Variants in ABHD2 observed in about 807,000 individuals in gnomAD.
ABHD2 encodes the protein abhydrolase domain containing 2, acylglycerol lipase.
In ABHD2, 20 loss-of-function variants were observed where a neutral mutation model predicts 48.1. The observed-to-expected ratio is 0.42, with a 90% CI of 0.29 to 0.60. The LOEUF is 0.60. Among genes scored for constraint, ABHD2 ranks in the 20% least tolerant of loss-of-function variants. The probability of loss-of-function intolerance (pLI) is 0.24; values close to 1 mark genes in which losing one functional copy is unlikely to be tolerated. For missense variants in ABHD2, 405 were observed against 550.9 expected, an observed-to-expected ratio of 0.74 and a Z score of 2.65; for synonymous variants, 209 against 214.2, an observed-to-expected ratio of 0.98 and a Z score of 0.21.
intron 3 of ABHD2, among the ~76,000 whole-genome samples, chr15:89,149,179 G>A (rs1256760358): frequency 6.6e-6 from 1 of 151,562 alleles, no homozygotes; most frequent in Non-Finnish European, 1.5e-5. Context: ...ATTGAACTGA[G>A]AAAGTCCCAA....
chr15:89,131,421 TTGTC>T (rs1375023287), intron 3 of ABHD2, among the ~76,000 whole-genome samples: 1 of 152,196 alleles, frequency 6.6e-6, no homozygotes, highest in East Asian at 1.9e-4. Context: ...CTCTTCTCTG[TTGTC>T]TGATAGCATC....
intron 6 of ABHD2, among the ~76,000 whole-genome samples, chr15:89,178,915 A>G (rs2051061766): frequency 6.6e-6 from 1 of 152,198 alleles, no homozygotes; most frequent in Non-Finnish European, 1.5e-5. Context: ...TTTCCCAAGA[A>G]AGCCCTCAAC....
rs909392302 is a variant in ABHD2 at position 89,155,028 on chromosome 15, T to C, written c.371-339T>C. ...ATGTTCAGGAACTTCTATAGCAATG[T>C]GACAGAGTAATTTTATATTTGTTGA... On this transcript the variant is annotated intron_variant, in intron 4 of 10. Transcript: ENST00000352732. This position sits in a 1 kb window ranked among gnomAD's most constrained non-coding sequence, Gnocchi z 4.9. 1.3e-5 allele frequency among the ~76,000 whole-genome samples: 2 copies of C among 152,256 alleles called. No individual in the cohort carries two copies. Among genetic ancestry groups the C allele is most frequent in the African/African-American group, 4.8e-5 (2 of 41,464 alleles).
rs1214208591 is a variant in ABHD2, at chr15:89,201,307, T to A, written c.*5884T>A. On this transcript the variant is annotated 3_prime_UTR_variant, in exon 11 of 11. Coordinates refer to ENST00000352732, the MANE Select transcript of ABHD2 (RefSeq NM_152924.5). ...TACACTCTTCTGTTAGTTTCCTTGTTTCAGTATCATGAAGTGAAGCACTGT... is the reference window on the plus strand; with the variant it reads ...TACACTCTTCTGTTAGTTTCCTTGTATCAGTATCATGAAGTGAAGCACTGT... 2.6e-5 allele frequency: 29 copies of A among 1,113,366 alleles called. No individual in the cohort carries two copies. Among genetic ancestry groups the A allele is most frequent in the Non-Finnish European group, 3.8e-5 (28 of 741,170 alleles). 69.0% of individuals were successfully genotyped at this position (1,113,366 alleles called of 1,614,324 possible). A position where few individuals can be genotyped will look rare whatever the true frequency, so the allele number is the denominator to read the frequency against.
At chr15:89,045,470 A>C in the ABHD2 span, among the ~76,000 whole-genome samples, 1 of 152,186 alleles carries the variant, frequency 6.6e-6, no homozygotes, top group Non-Finnish European at 1.5e-5. Flanking sequence ...GATGGCATTG[A>C]ATCTATAAAT....
the ABHD2 span, among the ~76,000 whole-genome samples, chr15:89,077,355 A>C: frequency 6.6e-6 from 1 of 152,232 alleles, no homozygotes; most frequent in Admixed American, 6.5e-5. Flanking sequence ...ATTGAATATG[A>C]ATGTTCTACA....
At chr15:89,046,863 A>C in the ABHD2 span, among the ~76,000 whole-genome samples, 2 of 151,968 alleles carry the variant, frequency 1.3e-5, no homozygotes, top group African/African-American at 4.8e-5. Context: ...TGGATTCATT[A>C]ATTTTTGAAG....
chr15:89,044,428 A>G, the ABHD2 span, among the ~76,000 whole-genome samples: 1 of 152,228 alleles, frequency 6.6e-6, no homozygotes, highest in South Asian at 2.1e-4. Flanking sequence ...CAGTAATGGG[A>G]TGGCTGGGTC....
chr15:89,070,964 C>A, the ABHD2 span, among the ~76,000 whole-genome samples: 1 of 151,894 alleles, frequency 6.6e-6, no homozygotes, highest in Non-Finnish European at 1.5e-5. Context: ...AAGGCGTGTG[C>A]CTTCCTGAAG....
Position 89,196,030 on chromosome 15 carries a change from G to T in ABHD2, c.*607G>T, listed in dbSNP as rs531295831. ...GCTTTGCTGCTGCTGAGAGTTACGT[G>T]AGGCACTTGTTAAAAATTCAGCCTC... On this transcript the variant is annotated 3_prime_UTR_variant, in exon 11 of 11. Transcript: ENST00000352732. The T allele has an allele frequency of 6.5e-6, 1 of 152,722 alleles. No individual in the cohort carries two copies. Among genetic ancestry groups the T allele is most frequent in the African/African-American group, 2.4e-5 (1 of 41,562 alleles). 9.5% of individuals were successfully genotyped at this position (152,722 alleles called of 1,614,324 possible).
chr15:89,146,813 T>C lies in ABHD2; in HGVS notation c.195-4864T>C, dbSNP rs1025106096. Among the ~76,000 whole-genome samples the C allele has an allele frequency of 2.0e-5, 3 of 152,210 alleles. No homozygotes were observed. The highest frequency in any genetic ancestry group is 7.2e-5 in the African/African-American group (3 of 41,456). On this transcript the variant is annotated intron_variant, in intron 3 of 10. Coordinates refer to ENST00000352732, the MANE Select transcript of ABHD2 (RefSeq NM_152924.5). The surrounding 1 kb of genome is among the most constrained non-coding windows in gnomAD (Gnocchi z 4.2). ...GGATTTAATGGAGAGATGTACCATGTTTTTGGATGGGACACATCAGTATTG... is the reference window on the plus strand; with the variant it reads ...GGATTTAATGGAGAGATGTACCATGCTTTTGGATGGGACACATCAGTATTG...
the ABHD2 span, among the ~76,000 whole-genome samples, chr15:89,043,625 AAGGAGGAGGAGGAGGAGGAAGGAGAAGG>A: frequency 6.9e-5 from 9 of 131,038 alleles, no homozygotes; most frequent in Non-Finnish European, 1.3e-4. Context: ...GAGGAGGCGG[AAGGAGGAGGAGGAGGAGGAAGGAGAAGG>A]AGGAGGAGGA....
At chr15:89,125,443 T>C (rs979588341) in intron 3 of ABHD2, among the ~76,000 whole-genome samples, 8 of 152,208 alleles carry the variant, frequency 5.3e-5, no homozygotes, top group African/African-American at 1.9e-4. Flanking sequence ...TCATCTTGAT[T>C]GAGGCTAAAT....
chr15:89,193,415 C>A, intron 10 of ABHD2, 96 bp downstream of exon 10: 4 of 957,234 alleles, frequency 4.2e-6, no homozygotes, highest in Non-Finnish European at 5.1e-6. Context: ...GGAGACCACC[C>A]TCTTTAGGGA....
At chr15:89,043,704 A>G in the ABHD2 span, among the ~76,000 whole-genome samples, 1 of 115,768 alleles carries the variant, frequency 8.6e-6, no homozygotes, top group African/African-American at 3.3e-5. Flanking sequence ...GGAGGAGAGG[A>G]GGAGGAAGAG....
At chr15:89,131,945 G>T (rs543754020) in intron 3 of ABHD2, among the ~76,000 whole-genome samples, 2 of 152,242 alleles carry the variant, frequency 1.3e-5, no homozygotes, top group South Asian at 4.1e-4. Context: ...GTGTGGGATG[G>T]TAGGGACGAC....
At chr15:89,126,297 C>T (rs1186736858) in intron 3 of ABHD2, among the ~76,000 whole-genome samples, 1 of 152,164 alleles carries the variant, frequency 6.6e-6, no homozygotes. Flanking sequence ...CAGAATCCAC[C>T]TTGGTTCACC....
At chr15:89,103,255 ATATT>A (rs1318667754) in intron 1 of ABHD2, among the ~76,000 whole-genome samples, 4 of 152,216 alleles carry the variant, frequency 2.6e-5, no homozygotes, top group Admixed American at 2.6e-4. Flanking sequence ...TAATCTTGAA[ATATT>A]TAATAAAGCA....
rs545908531 is a variant in ABHD2, at chr15:89,171,579, G to A, written c.539-4233G>A. On this transcript the variant is annotated intron_variant, in intron 5 of 10. Coordinates refer to ENST00000352732, the MANE Select transcript of ABHD2 (RefSeq NM_152924.5). ...CAGGAAGCGCCTGGTTGTGTTGAAC[G>A]GCGATGTGCTACCTGTGGAAACCTT... Among the ~76,000 whole-genome samples, 5 of 152,264 alleles carry A rather than the reference G, an allele frequency of 3.3e-5. 1 individual carries two copies. The South Asian group carries it at 6.2e-4, about 19-fold the overall frequency.
Sources: gnomAD v4.1 joint callset for allele counts (sites outside exome capture counted in the v4.1 genomes callset) on GRCh38, gnomAD v4.1.1 for gene constraint, Gnocchi (gnomAD v3.1) non-coding constraint, MANE v1.5 for transcripts, NCBI Gene and HGNC (gene_info 2026-07-23, HGNC 2026-07-21) for gene names.